CTNND2: variants seen among roughly 807,000 people sequenced by gnomAD.
The protein encoded by CTNND2 is catenin delta-2.
Under a neutral mutation model 144.4 loss-of-function variants are expected in CTNND2, and 22 were observed. The ratio of observed to expected loss-of-function variants is 0.15; its 90% CI spans 0.11 to 0.22. The LOEUF (loss-of-function observed/expected upper bound fraction) is 0.22, where lower values mean the gene tolerates loss of function less well. Ranked by LOEUF, CTNND2 falls within the 10% of genes least tolerant of loss-of-function variation. The probability of loss-of-function intolerance (pLI) is 1.00; values close to 1 mark genes in which losing one functional copy is unlikely to be tolerated. For missense variants in CTNND2, 1,353 were observed against 1,618.8 expected (o/e 0.84, Z 2.82); for synonymous variants, 751 against 695.6 (o/e 1.08, Z -1.25).
At chr5:11,689,587 C>T (rs1274556142) in intron 2 of CTNND2, among the ~76,000 whole-genome samples, 7 of 152,170 alleles carry the variant, frequency 4.6e-5, no homozygotes, top group Non-Finnish European at 8.8e-5. Flanking sequence ...TTGTCACTTA[C>T]TTTTTTTCAC....
intron 3 of CTNND2, among the ~76,000 whole-genome samples, chr5:11,466,822 T>C (rs187273617): frequency 1.3e-5 from 2 of 152,298 alleles, no homozygotes; most frequent in East Asian, 1.9e-4. Flanking sequence ...TCAGTTCCTT[T>C]TGACAAACTC....
At chr5:11,197,396 C>T (rs1021828530) in intron 11 of CTNND2, among the ~76,000 whole-genome samples, 1 of 152,150 alleles carries the variant, frequency 6.6e-6, no homozygotes, top group Admixed American at 6.5e-5. Flanking sequence ...TAGGAGGAGA[C>T]AGACAGAGAG....
intron 11 of CTNND2, among the ~76,000 whole-genome samples, chr5:11,185,057 A>G (rs1190129274): frequency 6.6e-6 from 1 of 152,224 alleles, no homozygotes; most frequent in Non-Finnish European, 1.5e-5. Flanking sequence ...ATCCATTCTT[A>G]TTAAAGAAGC....
At position 11,577,300 on chromosome 5, in the gene CTNND2, C is replaced by T. The variant is rs186736650; in HGVS notation, c.175-12244G>A. Among the ~76,000 whole-genome samples the T allele has an allele frequency of 2.0e-3, 308 of 152,280 alleles. 2 individuals carry two copies. The highest frequency in any genetic ancestry group is 7.0e-3 in the African/African-American group (291 of 41,568). The stretch of plus-strand genomic sequence containing the variant: ...CTGAATGACGCAGTCAGGGAAGATA[C>T]GAGCATAAAATTAATTCAGGTGTGG... On this transcript the variant is annotated intron_variant, in intron 2 of 21. Transcript: ENST00000304623.
At chr5:11,685,227 G>A (rs368090933) in intron 2 of CTNND2, among the ~76,000 whole-genome samples, 19 of 152,318 alleles carry the variant, frequency 1.2e-4, no homozygotes, top group African/African-American at 4.6e-4. Context: ...CAGATGAAGT[G>A]TATGTGTGAA....
intron 1 of CTNND2, among the ~76,000 whole-genome samples, chr5:11,738,242 A>G (rs188261776): frequency 6.6e-6 from 1 of 152,228 alleles, no homozygotes; most frequent in Admixed American, 6.5e-5. Flanking sequence ...AGCCTACAGA[A>G]TAAAACAGTA....
intron 21 of CTNND2, among the ~76,000 whole-genome samples, chr5:10,979,873 C>T (rs1736999980): frequency 6.6e-6 from 1 of 152,118 alleles, no homozygotes; most frequent in Admixed American, 6.5e-5. Flanking sequence ...GAAACTGGAC[C>T]CCTTCCTTAC....
intron 5 of CTNND2, among the ~76,000 whole-genome samples, chr5:11,403,224 C>T (rs760096489): frequency 2.0e-5 from 3 of 152,018 alleles, no homozygotes; most frequent in African/African-American, 4.8e-5. Context: ...CTCCATCGGG[C>T]CTTGTATGTG....
At chr5:11,522,068 T>G (rs1772775693) in intron 3 of CTNND2, among the ~76,000 whole-genome samples, 1 of 152,168 alleles carries the variant, frequency 6.6e-6, no homozygotes, top group Non-Finnish European at 1.5e-5. Flanking sequence ...AGTGCATGAT[T>G]ATTGGCTATT....
intron 19 of CTNND2, among the ~76,000 whole-genome samples, chr5:10,992,042 C>T (rs113468186): frequency 0.12 from 17,693 of 152,142 alleles, 1,112 homozygotes; most frequent in Non-Finnish European, 0.14. Context: ...CTCAGCCTCC[C>T]GAGTAGCTGG....
intron 2 of CTNND2, among the ~76,000 whole-genome samples, chr5:11,718,367 C>T (rs541023853): frequency 3.5e-4 from 54 of 152,294 alleles, no homozygotes; most frequent in Non-Finnish European, 7.4e-4. Flanking sequence ...ACTTCATGTT[C>T]TACTGGTCAT....
chr5:11,111,732 T>C (rs377717623), intron 13 of CTNND2, among the ~76,000 whole-genome samples: 6 of 152,318 alleles, frequency 3.9e-5, no homozygotes, highest in African/African-American at 1.4e-4. Context: ...CTCTGGGACA[T>C]GGTGTACCCC....
At chr5:11,357,966 G>A (rs16901535) in intron 8 of CTNND2, among the ~76,000 whole-genome samples, 2 of 152,108 alleles carry the variant, frequency 1.3e-5, no homozygotes, top group East Asian at 1.9e-4. Flanking sequence ...CTGTATCTTC[G>A]GGTAATGTCT....
chr5:11,762,797 T>C (rs1319377684), intron 1 of CTNND2, among the ~76,000 whole-genome samples: 3 of 152,212 alleles, frequency 2.0e-5, no homozygotes, highest in Non-Finnish European at 2.9e-5. Flanking sequence ...CTCCTGTTCA[T>C]ATATGGATTT....
intron 3 of CTNND2, among the ~76,000 whole-genome samples, chr5:11,563,866 C>T (rs1776864693): frequency 6.6e-6 from 1 of 152,178 alleles, no homozygotes; most frequent in African/African-American, 2.4e-5. Context: ...AATACAAAGA[C>T]ATTTTTATTC....
chr5:11,364,701 C>T lies in CTNND2; in HGVS notation c.1367G>A (p.Ser456Asn). The change falls in exon 8 of 22, where the codon AGC (serine) becomes AAC (asparagine). Residue 456 changes from serine to asparagine, a missense_variant. Ser to Asn is a conservative substitution (Grantham distance 46). Around this residue, in one of 4 missense-constraint regions of CTNND2, gnomAD observed 708 missense variants for 706.4 expected, o/e 1.00. Coordinates refer to ENST00000304623, the MANE Select transcript of CTNND2 (RefSeq NM_001332.4). ...GTGGGGTCCTGATTACACACCTGTG[C>T]TCGTGCGGTAGGTGCCGGTGTGTGC... Reference protein sequence around the residue: ...PPAHTGTYRTSTAPSSPGVDS... With the variant: ...PPAHTGTYRTNTAPSSPGVDS... 6.2e-7 allele frequency: 1 copy of T among 1,611,596 alleles called. No homozygotes were observed. Among genetic ancestry groups the T allele is most frequent in the Non-Finnish European group, 8.5e-7 (1 of 1,179,422 alleles).
intron 12 of CTNND2, among the ~76,000 whole-genome samples, chr5:11,135,160 C>T (rs762819549): frequency 1.3e-5 from 2 of 152,184 alleles, no homozygotes; most frequent in Non-Finnish European, 2.9e-5. Context: ...AAGGCTCGTG[C>T]CCTCCACCAT....
At chr5:11,145,630 C>T (rs1414110517) in intron 12 of CTNND2, among the ~76,000 whole-genome samples, 1 of 152,094 alleles carries the variant, frequency 6.6e-6, no homozygotes, top group Non-Finnish European at 1.5e-5. Context: ...CTGCCAGCTC[C>T]ACCCTCTTCT....
intron 15 of CTNND2, among the ~76,000 whole-genome samples, chr5:11,088,231 T>TA (rs1750386800): frequency 6.6e-6 from 1 of 152,146 alleles, no homozygotes. Context: ...CCTCAGATCT[T>TA]ATTCTGAGAC....
Sources: gnomAD v4.1 joint callset for allele counts (sites outside exome capture counted in the v4.1 genomes callset) on GRCh38, gnomAD v4.1.1 for gene constraint, gnomAD v4.1.1 regional missense constraint, MANE v1.5 for transcripts, NCBI Gene and HGNC (gene_info 2026-07-23, HGNC 2026-07-21) for gene names.